The following ERG variants were observed in gnomAD, a reference collection of about 807,000 sequenced individuals.
The protein encoded by ERG is transcriptional regulator ERG.
In ERG, 9 loss-of-function variants were observed where a neutral mutation model predicts 55.3. The ratio of observed to expected loss-of-function variants is 0.16; its 90% CI spans 0.10 to 0.28. The LOEUF (loss-of-function observed/expected upper bound fraction) is 0.28. ERG is among the 10% of genes least tolerant of loss of function. The pLI, the probability that ERG is intolerant of heterozygous loss-of-function variation, is 1.00. For synonymous variants in ERG, 223 were observed against 237.3 expected, an observed-to-expected ratio of 0.94 and a Z score of 0.55; for missense variants, 434 against 631.6, an observed-to-expected ratio of 0.69 and a Z score of 3.35.
chr21:38,374,223 A>G, the ERG span, among the ~76,000 whole-genome samples: 3 of 152,186 alleles, frequency 2.0e-5, no homozygotes, highest in East Asian at 1.9e-4. Context: ...CCCTGACCCA[A>G]TGACAGATGA....
intron 2 of ERG, among the ~76,000 whole-genome samples, chr21:38,443,409 A>C (rs997668208): frequency 3.9e-5 from 6 of 152,210 alleles, no homozygotes; most frequent in Admixed American, 3.9e-4. Flanking sequence ...TCTGCAGAAG[A>C]AAAGCTTTAG....
chr21:38,390,879 C>A, intron 9 of ERG, 116 bp downstream of exon 9: 1 of 801,816 alleles, frequency 1.2e-6, no homozygotes, highest in South Asian at 1.5e-5. Flanking sequence ...TTCAGTGAGA[C>A]CTAAAACTAA....
At chr21:38,432,576 TTA>T (rs1990265249) in intron 2 of ERG, among the ~76,000 whole-genome samples, 1 of 152,216 alleles carries the variant, frequency 6.6e-6, no homozygotes, top group African/African-American at 2.4e-5. Context: ...TTCCACGTGT[TTA>T]TGTTATAATA....
intron 1 of ERG, among the ~76,000 whole-genome samples, chr21:38,646,045 A>G (rs1247712821): frequency 6.6e-6 from 1 of 152,134 alleles, no homozygotes; most frequent in Non-Finnish European, 1.5e-5. Flanking sequence ...CTGAGAGGCC[A>G]AGGAGGGCGG....
At chr21:38,408,939 G>A (rs765210889) in intron 3 of ERG, among the ~76,000 whole-genome samples, 15 of 152,154 alleles carry the variant, frequency 9.9e-5, no homozygotes, top group Non-Finnish European at 1.9e-4. Flanking sequence ...TTTGGAACCT[G>A]TCATTTAATT....
the ERG span, among the ~76,000 whole-genome samples, chr21:38,368,180 C>T: frequency 3.9e-5 from 6 of 152,142 alleles, no homozygotes; most frequent in African/African-American, 7.2e-5. Context: ...CTCTTCTTCC[C>T]GTTGAGAGGT....
chr21:38,436,280 C>T (rs958807540), intron 2 of ERG, among the ~76,000 whole-genome samples: 1 of 151,932 alleles, frequency 6.6e-6, no homozygotes, highest in African/African-American at 2.4e-5. Context: ...TTTGGAAACA[C>T]CTGGTGAGGT....
chr21:38,431,541 C>CAA lies in ERG; in HGVS notation c.237-7982_237-7981dup, dbSNP rs966673286. On this transcript the variant is annotated intron_variant, in intron 2 of 9. Transcript: ENST00000288319. ...AGAATAAAAATGAGGAAACAAGGGC[C>CAA]AAAAAGGAATTAAGAGATGAAAGCA... Among the ~76,000 whole-genome samples, 139 of 151,960 alleles carry CAA rather than the reference C, an allele frequency of 9.1e-4. 1 individual carries two copies. Among genetic ancestry groups the CAA allele is most frequent in the African/African-American group, 3.1e-3 (130 of 41,428 alleles).
intron 2 of ERG, among the ~76,000 whole-genome samples, chr21:38,530,149 T>A (rs779012735): frequency 6.6e-6 from 1 of 151,910 alleles, no homozygotes; most frequent in Non-Finnish European, 1.5e-5. Context: ...AACCTCCGCC[T>A]CCTGTATTCA....
At chr21:38,473,426 C>CATATATAT (rs72247853) in intron 1 of ERG, among the ~76,000 whole-genome samples, 4 of 148,780 alleles carry the variant, frequency 2.7e-5, no homozygotes, top group African/African-American at 7.4e-5. Context: ...TATATATATA[C>CATATATAT]ATATATATAT....
At chr21:38,638,097 AG>A (rs767919666) in intron 1 of ERG, among the ~76,000 whole-genome samples, 46 of 152,290 alleles carry the variant, frequency 3.0e-4, no homozygotes, top group Non-Finnish European at 6.0e-4. Flanking sequence ...AAGATCTGGT[AG>A]GGGGGCCTGG....
the ERG span, among the ~76,000 whole-genome samples, chr21:38,371,811 CT>C: frequency 6.6e-5 from 10 of 151,752 alleles, no homozygotes; most frequent in East Asian, 1.9e-4. Flanking sequence ...AATAATTGGC[CT>C]TTTTTTGTAC....
At position 38,412,283 on chromosome 21, in the gene ERG, G is replaced by C. The variant is rs1307792696; in HGVS notation, c.389-8574C>G. Among the ~76,000 whole-genome samples the C allele has an allele frequency of 5.9e-5, 9 of 152,084 alleles. No individual in the cohort carries two copies. The East Asian group carries it at 7.7e-4, about 13-fold the overall frequency. Reference sequence around the variant, plus strand: ...TCCTTGCCAAGTGTCTAATCAGATTGATCTACTTTTCTTCATTCACTTTTT... The same window carrying C: ...TCCTTGCCAAGTGTCTAATCAGATTCATCTACTTTTCTTCATTCACTTTTT... On this transcript the variant is annotated intron_variant, in intron 3 of 9. Coordinates refer to ENST00000288319, the MANE Select transcript of ERG (RefSeq NM_182918.4).
At chr21:38,538,824 C>G (rs1411133958) in intron 2 of ERG, among the ~76,000 whole-genome samples, 1 of 151,938 alleles carries the variant, frequency 6.6e-6, no homozygotes, top group Non-Finnish European at 1.5e-5. Context: ...ACATGACCAC[C>G]AAGAGAGCTA....
chr21:38,525,375 C>T (rs1032035033), intron 2 of ERG, among the ~76,000 whole-genome samples: 34 of 152,196 alleles, frequency 2.2e-4, no homozygotes, highest in African/African-American at 7.7e-4. Context: ...CTCTAACAGA[C>T]GATGCCTTCC....
chr21:38,581,190 G>A (rs2060026565), intron 1 of ERG, among the ~76,000 whole-genome samples: 1 of 152,314 alleles, frequency 6.6e-6, no homozygotes, highest in African/African-American at 2.4e-5. Context: ...GGGAGGGCAG[G>A]AATGGGGCCT....
chr21:38,604,249 G>A (rs182393620), intron 1 of ERG, among the ~76,000 whole-genome samples: 1,677 of 131,054 alleles, frequency 0.013, 13 homozygotes, highest in Admixed American at 0.022. Flanking sequence ...GCGAGACTCC[G>A]TCAAAAAAAA....
intron 1 of ERG, among the ~76,000 whole-genome samples, chr21:38,576,731 T>C (rs2059996787): frequency 6.6e-6 from 1 of 152,108 alleles, no homozygotes; most frequent in African/African-American, 2.4e-5. Context: ...TCAGGGTTGG[T>C]TGACGTGGCC....
At chr21:38,585,209 G>A (rs1179542905), upstream of ERG, among the ~76,000 whole-genome samples, 1 of 152,148 alleles carries the variant, frequency 6.6e-6, no homozygotes, top group Non-Finnish European at 1.5e-5. Context: ...AGATGCTTTT[G>A]CACAGAAAAT....
Sources: allele counts gnomAD v4.1 joint callset (sites outside exome capture counted in the v4.1 genomes callset), GRCh38; gene constraint gnomAD v4.1.1; transcripts MANE v1.5; gene names NCBI Gene and HGNC (gene_info 2026-07-23, HGNC 2026-07-21).